The following ZDHHC14 variants were observed in gnomAD, a reference collection of about 807,000 sequenced individuals.
The protein encoded by ZDHHC14 is palmitoyltransferase ZDHHC14.
In ZDHHC14, 16 loss-of-function variants were observed where a neutral mutation model predicts 47.7. The observed-to-expected ratio is 0.34, with a 90% confidence interval of 0.23 to 0.51. The LOEUF is 0.51. ZDHHC14 is among the 20% of genes least tolerant of loss of function. The pLI, the probability that ZDHHC14 is intolerant of heterozygous loss-of-function variation, is 0.97. For missense variants in ZDHHC14, 515 were observed against 662.5 expected (o/e 0.78, Z 2.44); for synonymous variants, 293 against 278.9 (o/e 1.05, Z -0.50).
At chr6:157,481,400 T>A (rs1354700524) in intron 1 of ZDHHC14, among the ~76,000 whole-genome samples, 1 of 147,564 alleles carries the variant, frequency 6.8e-6, no homozygotes, top group Non-Finnish European at 1.5e-5. Flanking sequence ...CGACTGGTTG[T>A]ACAGTGAGGT....
At chr6:157,474,993 C>A (rs1456973923) in intron 1 of ZDHHC14, among the ~76,000 whole-genome samples, 1 of 152,246 alleles carries the variant, frequency 6.6e-6, no homozygotes, top group Non-Finnish European at 1.5e-5. Context: ...TATCATGGAG[C>A]TTTTACCCTT....
intron 2 of ZDHHC14, among the ~76,000 whole-genome samples, chr6:157,549,895 C>A (rs1782151055): frequency 6.6e-6 from 1 of 152,192 alleles, no homozygotes; most frequent in African/African-American, 2.4e-5. Flanking sequence ...GAATTGAAGC[C>A]ATTGTCTGAT....
chr6:157,548,344 G>A (rs9457753), intron 2 of ZDHHC14, among the ~76,000 whole-genome samples: 62,523 of 152,080 alleles, frequency 0.41, 12,911 homozygotes, highest in Admixed American at 0.46. Context: ...ATGCAGAATG[G>A]ATTGCACCTG....
intron 1 of ZDHHC14, among the ~76,000 whole-genome samples, chr6:157,532,896 G>C (rs572459792): frequency 6.6e-6 from 1 of 151,916 alleles, no homozygotes; most frequent in Non-Finnish European, 1.5e-5. Context: ...TTAATATTTC[G>C]GCAATTATCT....
At chr6:157,671,353 CA>C (rs1167673156) in intron 8 of ZDHHC14, among the ~76,000 whole-genome samples, 3 of 152,166 alleles carry the variant, frequency 2.0e-5, no homozygotes, top group Non-Finnish European at 4.4e-5. Context: ...AAGAGGGGAA[CA>C]GGCTCATTCT....
Position 157,431,732 on chromosome 6 carries a change from ATT to A in ZDHHC14, c.245+49480_245+49481del, listed in dbSNP as rs34330435. On this transcript the variant is annotated intron_variant, in intron 1 of 8. Transcript: ENST00000359775. ...TTTTTATTTTTTAAATTTTAATATA[ATT>A]TTTTTTTTTTTTTGAGACGGAGTCT... is the stretch of plus-strand genomic sequence containing the variant. 5.9e-4 allele frequency among the ~76,000 whole-genome samples: 84 copies of A among 142,616 alleles called. 1 individual carries two copies. The highest frequency in any genetic ancestry group is 1.1e-3 in the African/African-American group (43 of 38,614). The allele number at this position is 142,616 out of a possible 152,430, so 93.6% of individuals were successfully genotyped here.
intron 1 of ZDHHC14, among the ~76,000 whole-genome samples, chr6:157,399,081 T>G (rs1777580000): frequency 6.6e-6 from 1 of 152,242 alleles, no homozygotes; most frequent in Non-Finnish European, 1.5e-5. Flanking sequence ...GATCTTGCTT[T>G]CCTGATTAGC....
intron 8 of ZDHHC14, among the ~76,000 whole-genome samples, chr6:157,665,589 A>G (rs1778518820): frequency 6.6e-6 from 1 of 152,228 alleles, no homozygotes; most frequent in Admixed American, 6.5e-5. Flanking sequence ...CTAAGGAAAT[A>G]TGCAATACTT....
chr6:157,473,564 T>C (rs1024771545), intron 1 of ZDHHC14, among the ~76,000 whole-genome samples: 1 of 152,236 alleles, frequency 6.6e-6, no homozygotes, highest in Non-Finnish European at 1.5e-5. Context: ...TAGAAGTATT[T>C]TCGATTTGGG....
chr6:157,444,316 A>G (rs1382302338), intron 1 of ZDHHC14, among the ~76,000 whole-genome samples: 3 of 152,218 alleles, frequency 2.0e-5, no homozygotes, highest in African/African-American at 7.2e-5. Flanking sequence ...GGTAGCGGAC[A>G]CCACGGAATA....
intron 3 of ZDHHC14, among the ~76,000 whole-genome samples, chr6:157,619,237 A>T (rs1202505686): frequency 6.6e-6 from 1 of 151,886 alleles, no homozygotes; most frequent in Non-Finnish European, 1.5e-5. Context: ...AAAAAAAAAA[A>T]AATCATAGCC....
At chr6:157,530,198 G>A (rs1045730306) in intron 1 of ZDHHC14, among the ~76,000 whole-genome samples, 3 of 152,130 alleles carry the variant, frequency 2.0e-5, no homozygotes, top group African/African-American at 7.2e-5. Flanking sequence ...AAAATGATGT[G>A]GGACCACATC....
chr6:157,602,124 C>T (rs1222588924), intron 3 of ZDHHC14, among the ~76,000 whole-genome samples: 4 of 151,578 alleles, frequency 2.6e-5, no homozygotes, highest in African/African-American at 7.3e-5. Context: ...ATTGCTTGAA[C>T]CCGGGAGGCT....
Position 157,526,126 on chromosome 6 carries a change from G to C in ZDHHC14, c.246-16459G>C, listed in dbSNP as rs1781144034. Among the ~76,000 whole-genome samples, 2 of 152,226 alleles carry C rather than the reference G, an allele frequency of 1.3e-5. 1 individual carries two copies. The highest frequency in any genetic ancestry group is 4.1e-4 in the South Asian group (2 of 4,832). ...TGAAGGTTACCAGAAATCCAGGTGAGTACAAGACTGGCTCTCCTAGCAGGA... is the reference window on the plus strand; with the variant it reads ...TGAAGGTTACCAGAAATCCAGGTGACTACAAGACTGGCTCTCCTAGCAGGA... On this transcript the variant is annotated intron_variant, in intron 1 of 8. Coordinates refer to ENST00000359775, the MANE Select transcript of ZDHHC14 (RefSeq NM_024630.3).
intron 1 of ZDHHC14, among the ~76,000 whole-genome samples, chr6:157,448,662 A>G (rs1242790329): frequency 6.6e-6 from 1 of 152,162 alleles, no homozygotes; most frequent in Non-Finnish European, 1.5e-5. Context: ...ACAAATCAGA[A>G]GCCTCCCAGG....
In ZDHHC14 at chr6:157,676,930, A is replaced by G. The variant is rs1379066392; in HGVS notation, c.*3808A>G. The G allele has an allele frequency of 1.3e-5, 2 of 152,252 alleles. No homozygotes were observed. 9.4% of individuals were successfully genotyped at this position (152,252 alleles called of 1,614,324 possible). A position where few individuals can be genotyped will look rare whatever the true frequency, so the allele number is the denominator to read the frequency against. On this transcript the variant is annotated 3_prime_UTR_variant, in exon 9 of 9. Coordinates refer to ENST00000359775, the MANE Select transcript of ZDHHC14 (RefSeq NM_024630.3). ...TGATATTATAAGGAATCTTCCCAGA[A>G]GGAGCTGCCCTTCATCCATCCACAA...
intron 1 of ZDHHC14, among the ~76,000 whole-genome samples, chr6:157,399,448 G>T (rs562744137): frequency 1.5e-4 from 23 of 152,304 alleles, no homozygotes; most frequent in South Asian, 8.3e-4. Context: ...GTGTATATAT[G>T]CCCTGTCTTC....
rs185540480 is a variant in ZDHHC14, at chr6:157,433,941, A to C, written c.245+51675A>C. Among the ~76,000 whole-genome samples the C allele has an allele frequency of 6.6e-4, 100 of 152,294 alleles. 1 individual carries two copies. Among genetic ancestry groups the C allele is most frequent in the African/African-American group, 2.4e-3 (98 of 41,568 alleles). On this transcript the variant is annotated intron_variant, in intron 1 of 8. Transcript: ENST00000359775. ...ACCAGGAACAAGAGAGCCACCCTCC[A>C]CACACATACTTTTTTCCTGGTAATT...
At position 157,653,587 on chromosome 6, in the gene ZDHHC14, G is replaced by A; in HGVS notation, c.1028G>A (p.Gly343Asp). Residue 343 changes from glycine (G) to aspartate (D), a missense_variant, in exon 8 of 9, where the codon GGC becomes GAC. Coordinates refer to ENST00000359775, the MANE Select transcript of ZDHHC14 (RefSeq NM_024630.3). ...CCGCAGCCAGCAGCACCCTCCAATG[G>A]CATCACCATGTACGGGGCCACGCAG... ...DTPQPAAPSN[G>D]ITMYGATQSQ... The A allele has an allele frequency of 1.2e-6, 2 of 1,613,920 alleles. No individual in the cohort carries two copies. The highest frequency in any genetic ancestry group is 1.1e-5 in the South Asian group (1 of 91,082).
Sources: gnomAD v4.1 joint callset for allele counts (sites outside exome capture counted in the v4.1 genomes callset) on GRCh38, gnomAD v4.1.1 for gene constraint, MANE v1.5 for transcripts, NCBI Gene and HGNC (gene_info 2026-07-23, HGNC 2026-07-21) for gene names.